The following STYXL2 variants were observed in gnomAD, a reference collection of about 807,000 sequenced individuals.
STYXL2 encodes serine/threonine/tyrosine-interacting-like protein 2.
Under a neutral mutation model 52.4 loss-of-function variants are expected in STYXL2, and 44 were observed. The ratio of observed to expected loss-of-function variants is 0.84; its 90% CI spans 0.66 to 1.08. STYXL2 has a LOEUF of 1.08. STYXL2 is among the 50% of genes least tolerant of loss of function. STYXL2 has a pLI of 0.00. For missense variants in STYXL2, 1,604 were observed against 1,471.7 expected (o/e 1.09, Z -1.47); for synonymous variants, 604 against 586.9 (o/e 1.03, Z -0.42).
At chr1:167,111,487 TATATATATATATATATATATATATATAC>T (rs1170021197) in intron 2 of STYXL2, among the ~76,000 whole-genome samples, 26 of 61,252 alleles carry the variant, frequency 4.2e-4, no homozygotes, top group African/African-American at 1.7e-3. Flanking sequence ...TATATATATA[TATATATATATATATATATATATATATAC>T]ACACACACAC....
chr1:167,095,676 C>A (rs1468610185), intron 2 of STYXL2, among the ~76,000 whole-genome samples: 1 of 152,164 alleles, frequency 6.6e-6, no homozygotes. Flanking sequence ...ACTGTGTGTG[C>A]CTGTCCATTT....
chr1:167,113,936 A>G, intron 3 of STYXL2, 132 bp downstream of exon 3: 1 of 734,936 alleles, frequency 1.4e-6, no homozygotes, highest in South Asian at 1.5e-5. Flanking sequence ...GATCTGCAGA[A>G]GGCAGTTCTG....
intron 2 of STYXL2, among the ~76,000 whole-genome samples, chr1:167,105,824 A>G (rs937702467): frequency 6.6e-6 from 1 of 152,238 alleles, no homozygotes; most frequent in African/African-American, 2.4e-5. Flanking sequence ...AATACGGAGC[A>G]GAGTTTAATG....
chr1:167,128,842 T>C lies in STYXL2; in HGVS notation c.*234T>C. 1.7e-6 allele frequency: 1 copy of C among 580,542 alleles called. No homozygotes were observed. The highest frequency in any genetic ancestry group is 2.9e-6 in the Non-Finnish European group (1 of 346,746). 36.0% of individuals were successfully genotyped at this position (580,542 alleles called of 1,614,324 possible). On this transcript the variant is annotated 3_prime_UTR_variant, in exon 6 of 6. Coordinates refer to ENST00000361200, the MANE Select transcript of STYXL2 (RefSeq NM_001080426.3). ...TCCGAATGCGGACCAACTGATACCA[T>C]TTTCTGTTGCTCAGCGCCCTCTAAG...
intron 2 of STYXL2, among the ~76,000 whole-genome samples, chr1:167,103,265 A>G (rs1433653544): frequency 6.6e-6 from 1 of 152,098 alleles, no homozygotes; most frequent in Non-Finnish European, 1.5e-5. Flanking sequence ...TCCTTTTTCC[A>G]AAAAAGATTA....
chr1:167,126,351 G>C lies in STYXL2; in HGVS notation c.1220G>C (p.Gly407Ala). The C allele has an allele frequency of 6.5e-7, 1 of 1,536,832 alleles. No homozygotes were observed. The highest frequency in any genetic ancestry group is 1.2e-5 in the South Asian group (1 of 81,454). ...QSRNERYQAE[G>A]YRRWGREEEK... is the part of the protein sequence containing the mutation. ...CGAAACGAGAGGTACCAAGCAGAAG[G>C]GTACCGGAGGTGGGGAAGGGAGGAG... The change falls in exon 6 of 6, where the codon GGG becomes GCG. Residue 407 changes from glycine to alanine, a missense_variant. By Grantham distance (60) the Gly-to-Ala change is moderately conservative (BLOSUM62 0). Transcript: ENST00000361200.
chr1:167,111,513 T>TACACACAC (rs767623370), intron 2 of STYXL2, among the ~76,000 whole-genome samples: 10 of 50,120 alleles, frequency 2.0e-4, no homozygotes, highest in Non-Finnish European at 2.6e-4. Flanking sequence ...TATATATATA[T>TACACACAC]ACACACACAC....
rs148470442 is a variant in STYXL2, at chr1:167,127,993, G to A, written c.2862G>A (p.Trp954Ter). The A allele has an allele frequency of 1.1e-4, 175 of 1,614,192 alleles. 1 individual carries two copies. In the African/African-American group the frequency reaches 2.0e-3, roughly 18 times the overall value. Residue 954 changes from tryptophan (W) to a stop codon, truncating the protein, a stop_gained, in exon 6 of 6, where the codon TGG becomes TGA. Transcript: ENST00000361200. LOFTEE classifies it high-confidence loss of function. Reference protein sequence around the residue: ...TEEKPPFQSDWSGSSRGKYTR... With the variant: ...TEEKPPFQSD ...AAAAACCTCCTTTCCAAAGTGACTG[G>A]TCTGGAAGTTCCAGAGGGAAGTACA... is the stretch of plus-strand genomic sequence containing the variant.
chr1:167,125,633 C>G (rs1487092988), intron 5 of STYXL2, among the ~76,000 whole-genome samples, 154 bp from the exon 6 acceptor site: 2 of 145,050 alleles, frequency 1.4e-5, no homozygotes, highest in Non-Finnish European at 3.1e-5. Context: ...ATGCTCAGCC[C>G]TCCTGTGTCT....
intron 5 of STYXL2, among the ~76,000 whole-genome samples, chr1:167,124,237 T>C (rs569876392): frequency 1.3e-5 from 2 of 152,232 alleles, no homozygotes; most frequent in Admixed American, 6.5e-5. Flanking sequence ...CTGATTTACC[T>C]CCCTCTAGTG....
In STYXL2 at chr1:167,128,597, AG is replaced by A; in HGVS notation, c.3469del (p.Glu1157ArgfsTer8). 6.2e-7 allele frequency: 1 copy of A among 1,611,534 alleles called. No homozygotes were observed. The highest frequency in any genetic ancestry group is 8.5e-7 in the Non-Finnish European group (1 of 1,179,544). On this transcript the variant is annotated frameshift_variant, in exon 6 of 6. Coordinates refer to ENST00000361200, the MANE Select transcript of STYXL2 (RefSeq NM_001080426.3). LOFTEE classifies it high-confidence loss of function. ...AACCAGGACCAAGCTGCAGAAAAGG[AG>A]GGAGGACTGAGCTGGGGAAAATCTG... The part of the protein sequence containing the change: ...EETRTKLQKR[R>X]ED
chr1:167,120,624 T>A (rs971397560), intron 5 of STYXL2, among the ~76,000 whole-genome samples: 6 of 151,876 alleles, frequency 4.0e-5, no homozygotes, highest in East Asian at 1.9e-4. Flanking sequence ...TTCTTTTTTT[T>A]AATTATTTTT....
At chr1:167,115,340 G>A (rs968691976) in intron 3 of STYXL2, among the ~76,000 whole-genome samples, 7 of 152,174 alleles carry the variant, frequency 4.6e-5, no homozygotes, top group Admixed American at 2.0e-4. Flanking sequence ...CCACACATCC[G>A]AGAGTGTAGG....
rs151144845 is a variant in STYXL2, at chr1:167,126,549, C to T, written c.1418C>T (p.Ser473Leu). The T allele has an allele frequency of 1.4e-4, 232 of 1,613,754 alleles. No homozygotes were observed. In the African/African-American group the frequency reaches 2.8e-3, roughly 19 times the overall value. ...GRRRRADSMS[S>L]ESTWDAWNER... ...AGGCGCCGCGCAGACTCGATGTCCT[C>T]GGAGAGCACCTGGGACGCATGGAAC... The change falls in exon 6 of 6, where the codon TCG becomes TTG. Residue 473 changes from serine to leucine, a missense_variant. Transcript: ENST00000361200.
chr1:167,109,780 A>G (rs957159892), intron 2 of STYXL2, among the ~76,000 whole-genome samples: 15 of 152,176 alleles, frequency 9.9e-5, no homozygotes, highest in Admixed American at 2.6e-4. Context: ...AGCCATTACA[A>G]CAACTCATAA....
intron 4 of STYXL2, among the ~76,000 whole-genome samples, chr1:167,117,764 A>C (rs901499913): frequency 6.6e-6 from 1 of 152,128 alleles, no homozygotes; most frequent in Non-Finnish European, 1.5e-5. Flanking sequence ...TGCCGCCATG[A>C]CTGCTTATCC....
chr1:167,128,826 G>C lies in STYXL2; in HGVS notation c.*218G>C. 3.4e-6 allele frequency: 2 copies of C among 581,142 alleles called. No individual in the cohort carries two copies. The highest frequency in any genetic ancestry group is 4.5e-5 in the South Asian group (2 of 44,528). The allele number at this position is 581,142 out of a possible 1,614,324, so 36.0% of individuals were successfully genotyped here. A position where few individuals can be genotyped will look rare whatever the true frequency, so the allele number is the denominator to read the frequency against. On this transcript the variant is annotated 3_prime_UTR_variant, in exon 6 of 6. Transcript: ENST00000361200. The stretch of plus-strand genomic sequence containing the variant: ...CAATACGAATACGAGGTCCGAATGC[G>C]GACCAACTGATACCATTTTCTGTTG...
At chr1:167,111,701 G>A (rs754849880) in intron 2 of STYXL2, among the ~76,000 whole-genome samples, 12 of 151,754 alleles carry the variant, frequency 7.9e-5, no homozygotes, top group Non-Finnish European at 1.6e-4. Flanking sequence ...GGTACGAGGA[G>A]GCAAAGGCAT....
At chr1:167,118,065 T>TAGGAAATGTG (rs753978874) in intron 4 of STYXL2, among the ~76,000 whole-genome samples, 8 of 152,264 alleles carry the variant, frequency 5.3e-5, no homozygotes, top group Non-Finnish European at 1.2e-4. Flanking sequence ...AGACAACAGT[T>TAGGAAATGTG]AGGAAATGTG....
Sources: gnomAD v4.1 joint callset for allele counts (sites outside exome capture counted in the v4.1 genomes callset) on GRCh38, gnomAD v4.1.1 for gene constraint, MANE v1.5 for transcripts, NCBI Gene and HGNC (gene_info 2026-07-23, HGNC 2026-07-21) for gene names.